Variants in SRPK2 observed in about 807,000 individuals in gnomAD.
SRPK2 encodes SFRS protein kinase 2.
In SRPK2, 21 loss-of-function variants were observed where a neutral mutation model predicts 90.8. That is an observed-to-expected ratio of 0.23 (90% CI 0.16 to 0.33). SRPK2 has a LOEUF of 0.33. Ranked by LOEUF, SRPK2 falls within the 10% of genes least tolerant of loss-of-function variation. The pLI, the probability that SRPK2 is intolerant of heterozygous loss-of-function variation, is 1.00. For missense variants in SRPK2, 620 were observed against 869.0 expected, an observed-to-expected ratio of 0.71 and a Z score of 3.60; for synonymous variants, 288 against 311.1, an observed-to-expected ratio of 0.93 and a Z score of 0.78.
intron 2 of SRPK2, among the ~76,000 whole-genome samples, chr7:105,282,083 A>G (rs1807416190): frequency 6.6e-6 from 1 of 152,228 alleles, no homozygotes; most frequent in African/African-American, 2.4e-5. Context: ...ACACAAAGCT[A>G]TAGGAATGAA....
chr7:105,247,531 A>ACACACACACACACAC (rs1801851645), intron 2 of SRPK2, among the ~76,000 whole-genome samples: 3 of 145,160 alleles, frequency 2.1e-5, no homozygotes, highest in Non-Finnish European at 4.5e-5. Context: ...CACACACATA[A>ACACACACACACACAC]ACACACACAC....
intron 2 of SRPK2, among the ~76,000 whole-genome samples, chr7:105,330,739 C>T (rs1427447765): frequency 1.3e-5 from 2 of 151,994 alleles, no homozygotes; most frequent in African/African-American, 4.8e-5. Flanking sequence ...AGGTGCTTTC[C>T]GAGGCCAAGG....
At chr7:105,170,607 T>C (rs905945291) in intron 3 of SRPK2, among the ~76,000 whole-genome samples, 2 of 150,554 alleles carry the variant, frequency 1.3e-5, no homozygotes, top group African/African-American at 2.5e-5. Flanking sequence ...TGAAGAAGAA[T>C]TGCTTGAACC....
intron 1 of SRPK2, 35 bp from the exon 2 acceptor site, chr7:105,388,737 C>A: frequency 6.4e-7 from 1 of 1,559,466 alleles, no homozygotes. Context: ...ACGGTCGGGC[C>A]GCCCGCCCGG....
At position 105,388,745 on chromosome 7, in the gene SRPK2, C is replaced by G; in HGVS notation, c.17-43G>C. On this transcript the variant is annotated intron_variant, in intron 1 of 15. Coordinates refer to ENST00000393651, the MANE Select transcript of SRPK2 (RefSeq NM_182692.3). ...CACATTAACGGTCGGGCCGCCCGCC[C>G]GGGCTGGCCGCGTGGCGGGGAGAGG... The G allele has an allele frequency of 3.2e-6, 5 of 1,549,164 alleles. No individual in the cohort carries two copies. The South Asian group carries it at 5.9e-5, about 18-fold the overall frequency.
At chr7:105,244,989 T>C in intron 2 of SRPK2, 1 of 1,062,204 alleles carries the variant, frequency 9.4e-7, no homozygotes, top group Non-Finnish European at 1.4e-6. Context: ...CCCTGCCCTC[T>C]CCCTGAAATA....
Position 105,316,514 on chromosome 7 carries a change from C to A in SRPK2, c.71+72134G>T, listed in dbSNP as rs57423872. 8.0e-3 allele frequency among the ~76,000 whole-genome samples: 1,215 copies of A among 152,300 alleles called. 15 individuals carry two copies. Among genetic ancestry groups the A allele is most frequent in the African/African-American group, 0.028 (1,162 of 41,562 alleles). On this transcript the variant is annotated intron_variant, in intron 2 of 15. Coordinates refer to ENST00000393651, the MANE Select transcript of SRPK2 (RefSeq NM_182692.3). ...ACCAGGGAGCCCACCAGATAAACTA[C>A]ATTCCTGACTTGTAACTCTGACAAT...
At chr7:105,234,053 C>T (rs1799842860) in intron 2 of SRPK2, among the ~76,000 whole-genome samples, 1 of 151,536 alleles carries the variant, frequency 6.6e-6, no homozygotes, top group African/African-American at 2.4e-5. Context: ...TAAAATAAGG[C>T]CCAATTAAAT....
chr7:105,221,453 C>G (rs1281842668), intron 2 of SRPK2, among the ~76,000 whole-genome samples: 3 of 152,174 alleles, frequency 2.0e-5, no homozygotes, highest in African/African-American at 4.8e-5. Flanking sequence ...AGACAAGAAT[C>G]TACACTGCCT....
At chr7:105,134,254 A>G (rs1802465664) in intron 11 of SRPK2, among the ~76,000 whole-genome samples, 1 of 152,146 alleles carries the variant, frequency 6.6e-6, no homozygotes, top group Non-Finnish European at 1.5e-5. Flanking sequence ...TGACTGGATC[A>G]TGGGGGCAGA....
At chr7:105,141,978 G>A in intron 11 of SRPK2, 30 bp downstream of exon 11, 1 of 1,579,648 alleles carries the variant, frequency 6.3e-7, no homozygotes, top group Non-Finnish European at 8.6e-7. Flanking sequence ...AGTCAGCGAT[G>A]GCAGACAGTT....
rs140083089 is a variant in SRPK2 at position 105,246,288 on chromosome 7, C to A, written c.72-42503G>T. Among the ~76,000 whole-genome samples, 469 of 152,286 alleles carry A rather than the reference C, an allele frequency of 3.1e-3. 6 individuals carry two copies. Among genetic ancestry groups the A allele is most frequent in the African/African-American group, 9.8e-3 (406 of 41,538 alleles). On this transcript the variant is annotated intron_variant, in intron 2 of 15. Transcript: ENST00000393651. The stretch of plus-strand genomic sequence containing the variant: ...CCAAAAGGAATATTTATTCCCTCCC[C>A]CTCACCCTGCAACATTTTACAAGAA...
chr7:105,368,309 A>C (rs1330028353), intron 2 of SRPK2, among the ~76,000 whole-genome samples: 1 of 152,216 alleles, frequency 6.6e-6, no homozygotes, highest in Admixed American at 6.5e-5. Flanking sequence ...TCATAGATGC[A>C]CATGATAAAA....
chr7:105,252,880 A>G (rs1179851692), intron 2 of SRPK2, among the ~76,000 whole-genome samples: 1 of 151,384 alleles, frequency 6.6e-6, no homozygotes, highest in African/African-American at 2.4e-5. Flanking sequence ...AGAAAGTGGG[A>G]CTATAGGCAC....
intron 2 of SRPK2, among the ~76,000 whole-genome samples, chr7:105,356,198 G>C (rs973951998): frequency 6.6e-6 from 1 of 152,080 alleles, no homozygotes; most frequent in Non-Finnish European, 1.5e-5. Flanking sequence ...GAAGCTTATA[G>C]GAGAAAGCAA....
chr7:105,237,325 T>C (rs1800261071), intron 2 of SRPK2, among the ~76,000 whole-genome samples: 1 of 152,244 alleles, frequency 6.6e-6, no homozygotes, highest in Non-Finnish European at 1.5e-5. Context: ...ACTGCAAGTC[T>C]ACTAATAAAA....
chr7:105,252,212 T>C (rs1169648769), intron 2 of SRPK2, among the ~76,000 whole-genome samples: 1 of 152,092 alleles, frequency 6.6e-6, no homozygotes, highest in Non-Finnish European at 1.5e-5. Flanking sequence ...CTGAGTGCAG[T>C]TTCCTTTAAA....
intron 7 of SRPK2, among the ~76,000 whole-genome samples, chr7:105,153,282 C>T (rs767722405): frequency 2.6e-5 from 4 of 152,142 alleles, no homozygotes; most frequent in South Asian, 4.1e-4. Context: ...CTAGAAGCCC[C>T]GAGTCCCATT....
chr7:105,152,270 C>T (rs781302775), intron 7 of SRPK2, among the ~76,000 whole-genome samples: 1 of 152,032 alleles, frequency 6.6e-6, no homozygotes. Context: ...CTGCCTCAGC[C>T]TCCCTAGTAG....
Sources: allele counts gnomAD v4.1 joint callset (sites outside exome capture counted in the v4.1 genomes callset), GRCh38; gene constraint gnomAD v4.1.1; transcripts MANE v1.5; gene names NCBI Gene and HGNC (gene_info 2026-07-23, HGNC 2026-07-21).